Variants in HDAC9 observed in about 807,000 individuals in gnomAD.
HDAC9 encodes MEF-2 interacting transcription repressor (MITR) protein.
Under a neutral mutation model 139.4 loss-of-function variants are expected in HDAC9, and 41 were observed. That is an observed-to-expected ratio of 0.29 (90% CI 0.23 to 0.38). The LOEUF is 0.38. Among genes scored for constraint, HDAC9 ranks in the 10% least tolerant of loss-of-function variants. The pLI is 1.00. For synonymous variants in HDAC9, 517 were observed against 476.2 expected (o/e 1.09, Z -1.12); for missense variants, 1,147 against 1,297.0 (o/e 0.88, Z 1.78).
intron 1 of HDAC9, among the ~76,000 whole-genome samples, chr7:18,415,200 C>T (rs539780611): frequency 3.7e-4 from 56 of 152,240 alleles, no homozygotes; most frequent in Admixed American, 8.5e-4. Flanking sequence ...TAGTAGAACA[C>T]GATGCTGATA....
chr7:18,496,295 A>G lies in HDAC9; in HGVS notation c.-8A>G, dbSNP rs1361208368. 3 of 1,613,094 alleles carry G rather than the reference A, an allele frequency of 1.9e-6. No homozygotes were observed. The highest frequency in any genetic ancestry group is 1.1e-5 in the South Asian group (1 of 91,076). On this transcript the variant is annotated 5_prime_UTR_variant, in exon 2 of 26. Transcript: ENST00000686413. The stretch of plus-strand genomic sequence containing the variant: ...GCTGGACGAGAGCAGCTCTTGGCTC[A>G]GCAAAGAATGCACAGTATGATCAGC...
intron 23 of HDAC9, among the ~76,000 whole-genome samples, chr7:18,951,523 G>A (rs981033741): frequency 6.6e-6 from 1 of 151,814 alleles, no homozygotes; most frequent in Non-Finnish European, 1.5e-5. Context: ...CATGACGGGT[G>A]TGTACTATTT....
intron 11 of HDAC9, among the ~76,000 whole-genome samples, chr7:18,661,080 T>C (rs1342800417): frequency 6.6e-6 from 1 of 152,078 alleles, no homozygotes; most frequent in Non-Finnish European, 1.5e-5. Flanking sequence ...TTGGGTAGTT[T>C]AGGGTGAAAA....
intron 13 of HDAC9, among the ~76,000 whole-genome samples, chr7:18,735,005 T>A (rs1786752800): frequency 6.6e-6 from 1 of 152,264 alleles, no homozygotes; most frequent in African/African-American, 2.4e-5. Flanking sequence ...GAGTATTTTT[T>A]CATGTATCTG....
chr7:18,381,711 A>C (rs967965677), intron 1 of HDAC9, among the ~76,000 whole-genome samples: 4 of 152,148 alleles, frequency 2.6e-5, no homozygotes, highest in Non-Finnish European at 5.9e-5. Context: ...TAAATAATAA[A>C]ATATTAATTA....
intron 1 of HDAC9, among the ~76,000 whole-genome samples, chr7:18,345,080 G>C (rs912524583): frequency 4.6e-5 from 7 of 151,936 alleles, no homozygotes; most frequent in African/African-American, 1.7e-4. Context: ...CTTATGTAAT[G>C]AGTGAAATAA....
intron 11 of HDAC9, among the ~76,000 whole-genome samples, chr7:18,659,300 A>G (rs1407670401): frequency 2.0e-5 from 3 of 152,192 alleles, no homozygotes; most frequent in East Asian, 3.9e-4. Context: ...GTGCTAACAT[A>G]TAAACATTAG....
At chr7:18,327,755 C>G (rs1277333300) in intron 1 of HDAC9, 1 of 151,930 alleles carries the variant, frequency 6.6e-6, no homozygotes. Flanking sequence ...AGATGAGTTA[C>G]TCTGAAATAA....
At chr7:18,414,340 G>GT (rs1404679627) in intron 1 of HDAC9, among the ~76,000 whole-genome samples, 3 of 149,562 alleles carry the variant, frequency 2.0e-5, no homozygotes, top group Non-Finnish European at 3.0e-5. Flanking sequence ...TAACTTTAAT[G>GT]TTTTTTCTTA....
chr7:18,752,274 A>G (rs1383136597), intron 14 of HDAC9, among the ~76,000 whole-genome samples: 1 of 152,112 alleles, frequency 6.6e-6, no homozygotes, highest in Admixed American at 6.6e-5. Context: ...TGAAAGCGCA[A>G]GAAGGGTCCT....
intron 12 of HDAC9, among the ~76,000 whole-genome samples, chr7:18,683,713 A>G (rs2129091975): frequency 6.6e-6 from 1 of 152,232 alleles, no homozygotes; most frequent in Middle Eastern, 3.4e-3. Context: ...TTCACTCAAA[A>G]TGGAAAGATA....
chr7:18,911,523 T>C (rs1802740835), intron 22 of HDAC9, among the ~76,000 whole-genome samples: 1 of 151,926 alleles, frequency 6.6e-6, no homozygotes, highest in Admixed American at 6.6e-5. Flanking sequence ...TCATTTCTTC[T>C]CTGAAACATT....
intron 1 of HDAC9, among the ~76,000 whole-genome samples, chr7:18,398,805 T>C: frequency 6.6e-6 from 1 of 152,132 alleles, no homozygotes; most frequent in Non-Finnish European, 1.5e-5. Flanking sequence ...AATAAACCCC[T>C]GGAAACATGT....
intron 22 of HDAC9, among the ~76,000 whole-genome samples, chr7:18,909,901 C>A (rs1802596498): frequency 1.3e-5 from 2 of 151,804 alleles, no homozygotes; most frequent in Non-Finnish European, 2.9e-5. Context: ...ATGCTTTTAG[C>A]TTTCGTTTTT....
At chr7:18,937,700 A>G (rs1781741394) in intron 23 of HDAC9, among the ~76,000 whole-genome samples, 1 of 152,206 alleles carries the variant, frequency 6.6e-6, no homozygotes, top group Non-Finnish European at 1.5e-5. Flanking sequence ...TTTGCATTAT[A>G]AAGGCTTACA....
At chr7:18,711,427 T>G (rs950982122) in intron 12 of HDAC9, among the ~76,000 whole-genome samples, 1 of 152,194 alleles carries the variant, frequency 6.6e-6, no homozygotes, top group Non-Finnish European at 1.5e-5. Flanking sequence ...TGTTTACAAA[T>G]AAGCTCATAT....
At chr7:18,256,846 G>T (rs971762205) in intron 2 of HDAC9, among the ~76,000 whole-genome samples, 14 of 152,080 alleles carry the variant, frequency 9.2e-5, no homozygotes, top group African/African-American at 3.4e-4. Context: ...CCAGCACTTT[G>T]GGAGGGCAAG....
At chr7:18,674,294 A>G (rs577291206) in intron 12 of HDAC9, among the ~76,000 whole-genome samples, 8 of 152,174 alleles carry the variant, frequency 5.3e-5, no homozygotes, top group Non-Finnish European at 8.8e-5. Context: ...CTGTAAAATG[A>G]CAATACCATT....
intron 2 of HDAC9, chr7:18,543,348 G>A (rs1813633657): frequency 1.3e-5 from 2 of 152,354 alleles, no homozygotes; most frequent in East Asian, 3.9e-4. Context: ...CCCCAGCTCT[G>A]TTCACTCGCC....
Sources: gnomAD v4.1 joint callset for allele counts (sites outside exome capture counted in the v4.1 genomes callset) on GRCh38, gnomAD v4.1.1 for gene constraint, MANE v1.5 for transcripts, NCBI Gene and HGNC (gene_info 2026-07-23, HGNC 2026-07-21) for gene names.